TANGO6: variants seen among roughly 807,000 people sequenced by gnomAD.
TANGO6 encodes transport and golgi organization 6 homolog.
A neutral mutation model predicts 114.2 loss-of-function variants in TANGO6; 90 were observed. That is an observed-to-expected ratio of 0.79 (90% CI 0.66 to 0.94). The LOEUF is 0.94. Ranked by LOEUF, TANGO6 falls within the 40% of genes least tolerant of loss-of-function variation. The pLI is 0.00. For missense variants in TANGO6, 1,274 were observed against 1,315.3 expected (o/e 0.97, Z 0.49); for synonymous variants, 477 against 509.8 (o/e 0.94, Z 0.87).
At chr16:68,960,297 CT>C (rs201075757) in intron 14 of TANGO6, among the ~76,000 whole-genome samples, 3,246 of 134,698 alleles carry the variant, frequency 0.024, 44 homozygotes, top group Middle Eastern at 0.053. Context: ...ATTAGGGCAG[CT>C]TTTTTTTTTT....
At chr16:69,042,854 G>A (rs1354821730) in intron 17 of TANGO6, among the ~76,000 whole-genome samples, 1 of 152,124 alleles carries the variant, frequency 6.6e-6, no homozygotes, top group Non-Finnish European at 1.5e-5. Context: ...GGGAATGGAG[G>A]GGTATACAGG....
chr16:68,917,115 CAT>C (rs774718750), intron 11 of TANGO6, among the ~76,000 whole-genome samples: 9 of 152,164 alleles, frequency 5.9e-5, no homozygotes, highest in Non-Finnish European at 8.8e-5. Flanking sequence ...TTACTGTCTC[CAT>C]AGTTTTGCCT....
At chr16:68,978,673 G>C (rs1262970370) in intron 15 of TANGO6, among the ~76,000 whole-genome samples, 2 of 152,014 alleles carry the variant, frequency 1.3e-5, no homozygotes, top group East Asian at 1.9e-4. Context: ...AGTTCCCTCA[G>C]CCTAGGCCTT....
chr16:69,073,291 G>A (rs1211725215), intron 17 of TANGO6, among the ~76,000 whole-genome samples: 16 of 152,304 alleles, frequency 1.1e-4, no homozygotes, highest in Middle Eastern at 3.4e-3. Flanking sequence ...ATAAATGTCA[G>A]AGTGAAGGCA....
chr16:68,962,256 G>A (rs1231545268), intron 14 of TANGO6, among the ~76,000 whole-genome samples: 2 of 152,154 alleles, frequency 1.3e-5, no homozygotes, highest in African/African-American at 4.8e-5. Context: ...AACAACTGAA[G>A]TATCCTGCTA....
intron 15 of TANGO6, among the ~76,000 whole-genome samples, chr16:69,017,038 G>A (rs1321775604): frequency 7.2e-5 from 11 of 152,062 alleles, no homozygotes; most frequent in Admixed American, 4.6e-4. Context: ...GGAAGTAAAC[G>A]AAGACTGAAT....
chr16:68,906,811 G>A (rs923994098), intron 9 of TANGO6, among the ~76,000 whole-genome samples: 1 of 81,584 alleles, frequency 1.2e-5, no homozygotes, highest in Non-Finnish European at 2.5e-5. Context: ...TTTTTTTTTT[G>A]AGACAGAATT....
chr16:68,873,979 G>T (rs1005143389), intron 4 of TANGO6, among the ~76,000 whole-genome samples: 2 of 152,152 alleles, frequency 1.3e-5, no homozygotes, highest in African/African-American at 4.8e-5. Context: ...TCTAGTTGTT[G>T]CCCTGTGTAT....
chr16:69,057,937 A>C (rs1365513580), intron 17 of TANGO6, among the ~76,000 whole-genome samples: 1 of 152,144 alleles, frequency 6.6e-6, no homozygotes. Context: ...GCAACTTCCC[A>C]CAATGTACAC....
At chr16:69,046,108 A>C (rs1404939523) in intron 17 of TANGO6, among the ~76,000 whole-genome samples, 18 of 151,794 alleles carry the variant, frequency 1.2e-4, no homozygotes, top group African/African-American at 4.4e-4. Flanking sequence ...AAACCAATAG[A>C]CCACTCATTG....
intron 3 of TANGO6, among the ~76,000 whole-genome samples, chr16:68,866,668 G>A (rs1005746088): frequency 1.3e-5 from 2 of 151,796 alleles, no homozygotes; most frequent in Admixed American, 1.3e-4. Flanking sequence ...TGGGCACGGT[G>A]GCTCACGCCT....
chr16:68,933,363 C>T (rs1055567576), intron 14 of TANGO6, among the ~76,000 whole-genome samples: 5 of 152,082 alleles, frequency 3.3e-5, no homozygotes, highest in Admixed American at 2.6e-4. Flanking sequence ...TGCAGTGAGC[C>T]GAGATGGCAC....
intron 14 of TANGO6, among the ~76,000 whole-genome samples, chr16:68,958,352 G>C (rs897244288): frequency 6.0e-5 from 9 of 150,554 alleles, no homozygotes; most frequent in African/African-American, 2.0e-4. Flanking sequence ...AGCCGGGCGT[G>C]GTGGTGCATG....
At chr16:69,068,775 G>A (rs549324938) in intron 17 of TANGO6, among the ~76,000 whole-genome samples, 76 of 152,268 alleles carry the variant, frequency 5.0e-4, no homozygotes, top group South Asian at 2.3e-3. Context: ...GTGCGGTGAC[G>A]CCATCTTGGC....
chr16:68,864,527 G>A (rs1962147871), intron 3 of TANGO6, among the ~76,000 whole-genome samples: 1 of 152,110 alleles, frequency 6.6e-6, no homozygotes, highest in Non-Finnish European at 1.5e-5. Context: ...ACTGCAGTGA[G>A]CTGTGATCGG....
Position 69,069,948 on chromosome 16 carries a change from T to C in TANGO6, c.3109-13537T>C, listed in dbSNP as rs946323586. On this transcript the variant is annotated intron_variant, in intron 17 of 17. Coordinates refer to ENST00000261778, the MANE Select transcript of TANGO6 (RefSeq NM_024562.2). ...TGGGCCAGGCACGGTGGCTCATGCC[T>C]GTAATCCCAGCACTTTGGGAGGCCG... 4.6e-5 allele frequency among the ~76,000 whole-genome samples: 7 copies of C among 151,554 alleles called. No individual in the cohort carries two copies. The South Asian group carries it at 6.2e-4, about 13-fold the overall frequency.
chr16:68,978,512 A>G (rs151319736), intron 15 of TANGO6, among the ~76,000 whole-genome samples: 190 of 152,292 alleles, frequency 1.2e-3, no homozygotes, highest in African/African-American at 3.8e-3. Flanking sequence ...CACATCATCA[A>G]CTTGTCCTGG....
At chr16:68,939,898 A>G (rs547128433) in intron 14 of TANGO6, among the ~76,000 whole-genome samples, 1 of 152,236 alleles carries the variant, frequency 6.6e-6, no homozygotes, top group South Asian at 2.1e-4. Context: ...AGTGTGCTGT[A>G]CATATCTACA....
At chr16:69,044,723 A>G (rs1372538007) in intron 17 of TANGO6, among the ~76,000 whole-genome samples, 1 of 152,086 alleles carries the variant, frequency 6.6e-6, no homozygotes, top group Non-Finnish European at 1.5e-5. Context: ...GCCTGCTTCA[A>G]AAACAAAAAC....
Sources: gnomAD v4.1 joint callset for allele counts (sites outside exome capture counted in the v4.1 genomes callset) on GRCh38, gnomAD v4.1.1 for gene constraint, MANE v1.5 for transcripts, NCBI Gene and HGNC (gene_info 2026-07-23, HGNC 2026-07-21) for gene names.